Variants in PPARGC1A observed in about 807,000 individuals in gnomAD.
PPARGC1A encodes PPARG coactivator 1 alpha, also known as peroxisome proliferator-activated receptor gamma coactivator 1-alpha.
Under a neutral mutation model 88.7 loss-of-function variants are expected in PPARGC1A, and 25 were observed. That is an observed-to-expected ratio of 0.28 (90% confidence interval 0.21 to 0.39). PPARGC1A has a LOEUF of 0.39. PPARGC1A is among the 10% of genes least tolerant of loss of function. The pLI is 1.00. For synonymous variants in PPARGC1A, 363 were observed against 355.6 expected, an observed-to-expected ratio of 1.02 and a Z score of -0.24; for missense variants, 880 against 968.7, an observed-to-expected ratio of 0.91 and a Z score of 1.22.
At chr4:24,323,739 G>A in the PPARGC1A span, among the ~76,000 whole-genome samples, 3 of 152,242 alleles carry the variant, frequency 2.0e-5, no homozygotes, top group East Asian at 1.9e-4. Flanking sequence ...GACTCGGATC[G>A]GGGGACCTCC....
chr4:24,029,178 G>C, the PPARGC1A span, among the ~76,000 whole-genome samples: 1 of 152,184 alleles, frequency 6.6e-6, no homozygotes, highest in Non-Finnish European at 1.5e-5. Context: ...GTAGATTACT[G>C]ATCAGACTTT....
chr4:23,947,376 T>C, the PPARGC1A span, among the ~76,000 whole-genome samples: 1 of 25,324 alleles, frequency 3.9e-5, no homozygotes, highest in Non-Finnish European at 8.8e-5. Flanking sequence ...TATATATATA[T>C]ATATATATAT....
chr4:24,333,229 G>A, the PPARGC1A span, among the ~76,000 whole-genome samples: 1 of 151,954 alleles, frequency 6.6e-6, no homozygotes, highest in East Asian at 1.9e-4. Flanking sequence ...GGGCAACAGA[G>A]CAAGACTCCA....
chr4:24,231,580 C>T, the PPARGC1A span, among the ~76,000 whole-genome samples: 1 of 152,168 alleles, frequency 6.6e-6, no homozygotes, highest in Non-Finnish European at 1.5e-5. Context: ...TCCGGAAGGG[C>T]AACTCTAATC....
the PPARGC1A span, among the ~76,000 whole-genome samples, chr4:24,186,295 T>A: frequency 1.3e-5 from 2 of 152,120 alleles, no homozygotes; most frequent in Non-Finnish European, 2.9e-5. Flanking sequence ...GCGAATCCAG[T>A]AAGTTAGAGT....
At chr4:24,191,266 GACAGGT>G in the PPARGC1A span, among the ~76,000 whole-genome samples, 2 of 152,226 alleles carry the variant, frequency 1.3e-5, no homozygotes, top group Non-Finnish European at 2.9e-5. Flanking sequence ...TCCAGTAGGA[GACAGGT>G]ACCAGGCTAT....
chr4:23,818,347 G>A (rs1722355176), intron 7 of PPARGC1A, among the ~76,000 whole-genome samples: 1 of 152,162 alleles, frequency 6.6e-6, no homozygotes, highest in Admixed American at 6.6e-5. Context: ...CAGCAGTGCA[G>A]CTCGGTGCAG....
the PPARGC1A span, among the ~76,000 whole-genome samples, chr4:24,156,837 C>G: frequency 6.6e-6 from 1 of 151,070 alleles, no homozygotes; most frequent in Non-Finnish European, 1.5e-5. Flanking sequence ...AAAATGAACT[C>G]TGCCTGCTGC....
At chr4:24,047,650 G>A in the PPARGC1A span, among the ~76,000 whole-genome samples, 128,446 of 152,126 alleles carry the variant, frequency 0.84, 54,908 homozygotes, top group South Asian at 0.94. Context: ...CATTTACCCA[G>A]TTGTTCACGA....
At chr4:24,109,298 T>TACACACACACACAC in the PPARGC1A span, among the ~76,000 whole-genome samples, 1 of 131,800 alleles carries the variant, frequency 7.6e-6, no homozygotes, top group African/African-American at 2.9e-5. Flanking sequence ...CATTTCATTA[T>TACACACACACACAC]ACACACACAC....
chr4:24,233,585 T>C, the PPARGC1A span, among the ~76,000 whole-genome samples: 1 of 149,216 alleles, frequency 6.7e-6, no homozygotes, highest in African/African-American at 2.5e-5. Flanking sequence ...CACAAACACA[T>C]ACACACACAC....
the PPARGC1A span, among the ~76,000 whole-genome samples, chr4:24,156,951 A>T: frequency 6.6e-6 from 1 of 152,052 alleles, no homozygotes; most frequent in African/African-American, 2.4e-5. Flanking sequence ...CTTTTTACTA[A>T]GCTAATCCAC....
At chr4:24,172,283 T>C in the PPARGC1A span, among the ~76,000 whole-genome samples, 384 of 152,326 alleles carry the variant, frequency 2.5e-3, 2 homozygotes, top group African/African-American at 9.0e-3. Context: ...AGTAATGTTT[T>C]AATGCCTGAA....
chr4:23,800,615 T>A (rs1180215573), intron 12 of PPARGC1A, among the ~76,000 whole-genome samples: 2 of 150,826 alleles, frequency 1.3e-5, no homozygotes, highest in Admixed American at 1.3e-4. Flanking sequence ...TAAATAAATA[T>A]ATATATAAAT....
chr4:24,114,879 T>C, the PPARGC1A span, among the ~76,000 whole-genome samples: 7 of 152,128 alleles, frequency 4.6e-5, no homozygotes, highest in Admixed American at 4.6e-4. Flanking sequence ...GTGTAGGCCA[T>C]TCTACTAACA....
the PPARGC1A span, among the ~76,000 whole-genome samples, chr4:24,310,280 C>A: frequency 6.6e-6 from 1 of 152,018 alleles, no homozygotes; most frequent in African/African-American, 2.4e-5. Context: ...CACCTAGGAT[C>A]AACTAAAAAC....
At chr4:24,262,563 C>T in the PPARGC1A span, among the ~76,000 whole-genome samples, 2 of 152,134 alleles carry the variant, frequency 1.3e-5, no homozygotes, top group African/African-American at 2.4e-5. Flanking sequence ...GAAAATATTC[C>T]ACCCAGTCCA....
chr4:23,828,341 C>T, intron 5 of PPARGC1A, 59 bp downstream of exon 5: 1 of 1,515,622 alleles, frequency 6.6e-7, no homozygotes, highest in Non-Finnish European at 9.2e-7. Context: ...TCAGACTTTG[C>T]ATGTGCTTTC....
chr4:24,308,689 C>T, the PPARGC1A span, among the ~76,000 whole-genome samples: 1 of 152,056 alleles, frequency 6.6e-6, no homozygotes, highest in Non-Finnish European at 1.5e-5. Flanking sequence ...GGCCTCCTGC[C>T]TTGCTTTAAA....
Sources: gnomAD v4.1 joint callset for allele counts (sites outside exome capture counted in the v4.1 genomes callset) on GRCh38, gnomAD v4.1.1 for gene constraint, MANE v1.5 for transcripts, NCBI Gene and HGNC (gene_info 2026-07-23, HGNC 2026-07-21) for gene names.